The following SPINT2 variants were observed in gnomAD, a reference collection of about 807,000 sequenced individuals.
SPINT2 encodes the protein serine peptidase inhibitor, Kunitz type 2, also known as kunitz-type protease inhibitor 2.
SPINT2 carries 18 observed loss-of-function variants against 30.1 expected under a neutral mutation model. The ratio of observed to expected loss-of-function variants is 0.60; its 90% CI spans 0.41 to 0.89. The LOEUF is 0.89. Ranked by LOEUF, SPINT2 falls within the 40% of genes least tolerant of loss-of-function variation. The pLI is 0.00. For synonymous variants in SPINT2, 139 were observed against 137.9 expected (o/e 1.01, Z -0.05); for missense variants, 276 against 334.3 (o/e 0.83, Z 1.36).
chr19:38,274,082 T>C (rs1968488089), intron 1 of SPINT2, among the ~76,000 whole-genome samples: 1 of 151,858 alleles, frequency 6.6e-6, no homozygotes, highest in Non-Finnish European at 1.5e-5. Flanking sequence ...AATGCAAAAA[T>C]TAACCGGGTA....
In SPINT2 at chr19:38,265,827, CGCTGG is replaced by C. The variant is rs568184062; in HGVS notation, c.106+830_106+834del. Among the ~76,000 whole-genome samples the C allele has an allele frequency of 9.2e-5, 14 of 152,304 alleles. No individual in the cohort carries two copies. In the East Asian group the frequency reaches 2.7e-3, roughly 29 times the overall value. ...GGCCCTGCTACGTGTCAGGCACTGG[CGCTGG>C]TTATAACAGTTAACTCAGACTAGCT... On this transcript the variant is annotated intron_variant, in intron 1 of 6. Transcript: ENST00000301244.
At chr19:38,276,177 GA>G (rs1408822665) in intron 1 of SPINT2, among the ~76,000 whole-genome samples, 1 of 152,116 alleles carries the variant, frequency 6.6e-6, no homozygotes, top group African/African-American at 2.4e-5. Context: ...CCTTGTTCTA[GA>G]AAAAACAGAT....
chr19:38,264,653 C>T lies in SPINT2; in HGVS notation c.-240C>T, dbSNP rs1968354080. 2 of 529,900 alleles carry T rather than the reference C, an allele frequency of 3.8e-6. No homozygotes were observed. The highest frequency in any genetic ancestry group is 3.4e-6 in the Non-Finnish European group (1 of 297,394). The allele number at this position is 529,900 out of a possible 1,614,324, so 32.8% of individuals were successfully genotyped here. A position where few individuals can be genotyped will look rare whatever the true frequency, so the allele number is the denominator to read the frequency against. The stretch of plus-strand genomic sequence containing the variant: ...GCTGAGGGCCGTTGAGTGTCGCAGG[C>T]GGCGAGGGCGCGAGTGAGGAGCAGA... On this transcript the variant is annotated 5_prime_UTR_variant, in exon 1 of 7. Coordinates refer to ENST00000301244, the MANE Select transcript of SPINT2 (RefSeq NM_021102.4).
At chr19:38,267,518 T>C (rs1968393934) in intron 1 of SPINT2, among the ~76,000 whole-genome samples, 1 of 151,984 alleles carries the variant, frequency 6.6e-6, no homozygotes, top group Admixed American at 6.6e-5. Context: ...AGCAGATTGT[T>C]GGAGTTGAGG....
At chr19:38,275,136 G>C (rs769836589) in intron 1 of SPINT2, among the ~76,000 whole-genome samples, 1 of 152,214 alleles carries the variant, frequency 6.6e-6, no homozygotes, top group Admixed American at 6.5e-5. Flanking sequence ...GCTCTGTATC[G>C]TAAGTTATAT....
In SPINT2 at chr19:38,290,465, G is replaced by A. The variant is rs1968703579; in HGVS notation, c.554-72G>A. On this transcript the variant is annotated intron_variant, in intron 5 of 6. Transcript: ENST00000301244. The surrounding 1 kb of genome is among the most constrained non-coding windows in gnomAD (Gnocchi z 4.3). ...AGAGCTCCCCATGGAGGCCCTGGCT[G>A]AGGGGATCCCCTGCGGCAGCTCTGT... 6.2e-7 allele frequency: 1 copy of A among 1,612,286 alleles called. No individual in the cohort carries two copies. Among genetic ancestry groups the A allele is most frequent in the Admixed American group, 1.7e-5 (1 of 60,004 alleles).
intron 1 of SPINT2, among the ~76,000 whole-genome samples, chr19:38,271,890 C>G (rs556479797): frequency 1.3e-5 from 2 of 151,966 alleles, no homozygotes; most frequent in African/African-American, 4.8e-5. Context: ...CAGGGTGATT[C>G]CTGACTGGGC....
In SPINT2 at chr19:38,290,046, A is replaced by G; in HGVS notation, c.392-73A>G. 1 of 1,559,730 alleles carries G rather than the reference A, an allele frequency of 6.4e-7. No individual in the cohort carries two copies. The highest frequency in any genetic ancestry group is 1.1e-5 in the South Asian group (1 of 89,772). ...GTCTGCTGGAGCCGCAAGCCTCCTC[A>G]GGCACTTTCTGGCTTGCTTCCCCTC... On this transcript the variant is annotated intron_variant, in intron 4 of 6. Transcript: ENST00000301244. This position sits in a 1 kb window ranked among gnomAD's most constrained non-coding sequence, Gnocchi z 4.3.
intron 2 of SPINT2, among the ~76,000 whole-genome samples, chr19:38,287,091 T>A (rs1363766211): frequency 1.3e-5 from 2 of 151,978 alleles, no homozygotes; most frequent in African/African-American, 4.8e-5. Context: ...TGGTGTGATC[T>A]CGGCTCACTA....
chr19:38,281,374 C>T (rs1300308945), intron 1 of SPINT2, among the ~76,000 whole-genome samples: 1 of 152,066 alleles, frequency 6.6e-6, no homozygotes, highest in Non-Finnish European at 1.5e-5. Context: ...GGTCCTGCCA[C>T]TGCACTCCAG....
intron 1 of SPINT2, among the ~76,000 whole-genome samples, chr19:38,267,683 GTCTTGGGACC>G (rs1332068601): frequency 6.6e-6 from 1 of 151,984 alleles, no homozygotes; most frequent in Non-Finnish European, 1.5e-5. Context: ...TCAGGTGGAG[GTCTTGGGACC>G]TAGAGGTCAG....
intron 2 of SPINT2, among the ~76,000 whole-genome samples, chr19:38,286,288 G>A (rs1463408376): frequency 3.9e-5 from 6 of 152,106 alleles, no homozygotes; most frequent in East Asian, 1.9e-4. Context: ...TCGTGTCCCC[G>A]GGCCCACGCC....
chr19:38,264,846 A>G lies in SPINT2; in HGVS notation c.-47A>G. ...GGGGCTTCCCGCACCTGATCGCGAG[A>G]CCCCAACGGCTGGTGGCGTCGCCTG... is the stretch of plus-strand genomic sequence containing the variant. On this transcript the variant is annotated 5_prime_UTR_variant, in exon 1 of 7. Transcript: ENST00000301244. The G allele has an allele frequency of 6.6e-7, 1 of 1,519,254 alleles. No homozygotes were observed. The highest frequency in any genetic ancestry group is 2.0e-5 in the Admixed American group (1 of 50,752). The allele number at this position is 1,519,254 out of a possible 1,614,324, so 94.1% of individuals were successfully genotyped here.
At chr19:38,268,588 G>A (rs1017718761) in intron 1 of SPINT2, among the ~76,000 whole-genome samples, 1 of 152,148 alleles carries the variant, frequency 6.6e-6, no homozygotes, top group Non-Finnish European at 1.5e-5. Flanking sequence ...CCATTCCCTA[G>A]CCTGTAGATC....
intron 4 of SPINT2, chr19:38,289,495 A>AC (rs1166655935): frequency 1.3e-5 from 3 of 233,346 alleles, no homozygotes; most frequent in African/African-American, 2.3e-5. Context: ...AAAAAAAAAA[A>AC]AAAAAAAAAA....
At chr19:38,267,982 C>G (rs1191843624) in intron 1 of SPINT2, among the ~76,000 whole-genome samples, 4 of 151,840 alleles carry the variant, frequency 2.6e-5, no homozygotes, top group African/African-American at 9.7e-5. Flanking sequence ...GGGGAGATTC[C>G]AATTAGGTAA....
intron 1 of SPINT2, among the ~76,000 whole-genome samples, chr19:38,277,349 A>ATC: frequency 6.6e-6 from 1 of 152,012 alleles, no homozygotes; most frequent in Non-Finnish European, 1.5e-5. Context: ...GGTACAGGTG[A>ATC]TCCTCCTACC....
chr19:38,271,227 C>G (rs1968451425), intron 1 of SPINT2, among the ~76,000 whole-genome samples: 2 of 152,184 alleles, frequency 1.3e-5, no homozygotes, highest in Non-Finnish European at 2.9e-5. Flanking sequence ...CGCGGTGGCT[C>G]ATGCCTGTAA....
At chr19:38,275,059 G>A (rs890128631) in intron 1 of SPINT2, among the ~76,000 whole-genome samples, 2 of 152,156 alleles carry the variant, frequency 1.3e-5, no homozygotes, top group African/African-American at 4.8e-5. Flanking sequence ...AGGATAAAAC[G>A]TTGAAAGCTG....
Sources: gnomAD v4.1 joint callset for allele counts (sites outside exome capture counted in the v4.1 genomes callset) on GRCh38, gnomAD v4.1.1 for gene constraint, Gnocchi (gnomAD v3.1) non-coding constraint, MANE v1.5 for transcripts, NCBI Gene and HGNC (gene_info 2026-07-23, HGNC 2026-07-21) for gene names.